The following POLK variants were observed in gnomAD, a reference collection of about 807,000 sequenced individuals.
The protein encoded by POLK is polymerase (DNA directed) kappa.
In POLK, 76 loss-of-function variants were observed where a neutral mutation model predicts 94.0. The ratio of observed to expected loss-of-function variants is 0.81; its 90% CI spans 0.67 to 0.98. The LOEUF (loss-of-function observed/expected upper bound fraction) is 0.98. Among genes scored for constraint, POLK ranks in the 50% least tolerant of loss-of-function variants. The probability of loss-of-function intolerance (pLI) is 0.00; values close to 1 mark genes in which losing one functional copy is unlikely to be tolerated. For synonymous variants in POLK, 349 were observed against 325.4 expected (o/e 1.07, Z -0.78); for missense variants, 954 against 1,010.1 (o/e 0.94, Z 0.75).
intron 1 of POLK, among the ~76,000 whole-genome samples, chr5:75,523,636 C>T (rs1334753574): frequency 6.6e-6 from 1 of 152,168 alleles, no homozygotes; most frequent in African/African-American, 2.4e-5. Context: ...GTACATGATT[C>T]AAGCAGTAGG....
exon 1 of POLK, chr5:75,511,811 G>T (rs749311902): frequency 6.4e-7 from 1 of 1,551,500 alleles, no homozygotes; most frequent in South Asian, 1.2e-5. Flanking sequence ...GCGGAGAAAG[G>T]AGAGGGCGGG....
chr5:75,511,806 G>A lies in POLK; in HGVS notation c.-122G>A, dbSNP rs775715048. 9.0e-6 allele frequency: 14 copies of A among 1,551,418 alleles called. No homozygotes were observed. The South Asian group carries it at 1.7e-4, about 18-fold the overall frequency. On this transcript the variant is annotated 5_prime_UTR_variant, in exon 1 of 15. Transcript: ENST00000241436. Reference sequence around the variant, plus strand: ...CGGGTAGAAAAGCAGGAGGAGCGGAGAAAGGAGAGGGCGGGGTAGGGATGC... The same window carrying A: ...CGGGTAGAAAAGCAGGAGGAGCGGAAAAAGGAGAGGGCGGGGTAGGGATGC...
At chr5:75,538,386 A>G (rs565727084) in intron 1 of POLK, among the ~76,000 whole-genome samples, 92 of 152,362 alleles carry the variant, frequency 6.0e-4, no homozygotes, top group African/African-American at 2.1e-3. Flanking sequence ...ACCACATATT[A>G]AGCTAACATA....
chr5:75,581,665 T>C, intron 7 of POLK: 1 of 494,928 alleles, frequency 2.0e-6, no homozygotes, highest in South Asian at 2.8e-5. Flanking sequence ...AAAAAAAGAT[T>C]ATACGTTTCT....
intron 1 of POLK, among the ~76,000 whole-genome samples, chr5:75,529,775 A>G (rs555567265): frequency 1.1e-4 from 16 of 152,290 alleles, no homozygotes; most frequent in African/African-American, 3.6e-4. Flanking sequence ...GTATATAGAG[A>G]TCTTTTAGAT....
At chr5:75,573,293 C>T (rs559681386) in intron 4 of POLK, among the ~76,000 whole-genome samples, 36 of 151,996 alleles carry the variant, frequency 2.4e-4, no homozygotes, top group African/African-American at 6.3e-4. Flanking sequence ...TGTTCTCACT[C>T]ATAGATGAGA....
intron 3 of POLK, among the ~76,000 whole-genome samples, chr5:75,562,714 C>T (rs563153156): frequency 2.6e-5 from 4 of 152,228 alleles, no homozygotes; most frequent in African/African-American, 7.2e-5. Flanking sequence ...GAGTTTTTAG[C>T]ATGAAGGGGT....
At chr5:75,531,895 G>C (rs1179665935) in intron 1 of POLK, among the ~76,000 whole-genome samples, 1 of 152,150 alleles carries the variant, frequency 6.6e-6, no homozygotes, top group Non-Finnish European at 1.5e-5. Context: ...TGAAGGTCCA[G>C]TCAAGTTATT....
chr5:75,519,180 A>AT (rs1001833881), intron 1 of POLK, among the ~76,000 whole-genome samples: 1 of 152,164 alleles, frequency 6.6e-6, no homozygotes, highest in African/African-American at 2.4e-5. Flanking sequence ...CAATTAATTA[A>AT]TTTTTTGTAT....
intron 3 of POLK, chr5:75,568,623 TTAAAGTTCA>T: frequency 2.4e-6 from 1 of 410,686 alleles, no homozygotes; most frequent in Non-Finnish European, 4.7e-6. Context: ...GACATATATA[TTAAAGTTCA>T]TGAAGAATAA....
intron 3 of POLK, among the ~76,000 whole-genome samples, chr5:75,561,940 T>C (rs150690578): frequency 1.3e-5 from 2 of 152,198 alleles, no homozygotes; most frequent in South Asian, 4.1e-4. Flanking sequence ...CCAGGTAGCA[T>C]GATGCCTCCA....
chr5:75,550,315 A>T (rs1296112846), intron 2 of POLK, among the ~76,000 whole-genome samples: 1 of 152,220 alleles, frequency 6.6e-6, no homozygotes, highest in Non-Finnish European at 1.5e-5. Flanking sequence ...GGCCAAGCTC[A>T]TGCCTATGAC....
intron 4 of POLK, among the ~76,000 whole-genome samples, chr5:75,571,701 C>T (rs1437471203): frequency 6.6e-6 from 1 of 152,168 alleles, no homozygotes; most frequent in East Asian, 1.9e-4. Context: ...GCCTAGGTTT[C>T]AGAACTCAGT....
exon 15 of POLK, chr5:75,600,089 C>G (rs192394370): frequency 6.6e-6 from 1 of 151,996 alleles, no homozygotes; most frequent in Non-Finnish European, 1.5e-5. Context: ...ATATATATAA[C>G]TGGTGAAAAA....
At chr5:75,573,478 C>T (rs972044769) in intron 4 of POLK, among the ~76,000 whole-genome samples, 12 of 151,976 alleles carry the variant, frequency 7.9e-5, no homozygotes, top group Non-Finnish European at 1.6e-4. Context: ...CTAACTTGCA[C>T]GTTGTGCACA....
At chr5:75,510,950 G>A (rs1481406643), upstream of POLK, among the ~76,000 whole-genome samples, 1 of 152,148 alleles carries the variant, frequency 6.6e-6, no homozygotes, top group Admixed American at 6.5e-5. Context: ...AACAAGGACA[G>A]TGCCCCTATA....
intron 1 of POLK, among the ~76,000 whole-genome samples, chr5:75,520,127 G>A (rs1275624552): frequency 6.6e-6 from 1 of 152,042 alleles, no homozygotes; most frequent in Non-Finnish European, 1.5e-5. Flanking sequence ...ACTTATCTTA[G>A]ATAGCAAAGA....
intron 1 of POLK, among the ~76,000 whole-genome samples, chr5:75,542,690 T>A (rs942541334): frequency 1.4e-5 from 2 of 147,536 alleles, no homozygotes; most frequent in Non-Finnish European, 3.0e-5. Context: ...TATATACATA[T>A]ATGTATATAT....
chr5:75,533,506 G>A (rs1467571671), intron 1 of POLK, among the ~76,000 whole-genome samples: 4 of 152,222 alleles, frequency 2.6e-5, no homozygotes, highest in Non-Finnish European at 5.9e-5. Flanking sequence ...ATAGTTTGAA[G>A]TCTGGTAATG....
Sources: gnomAD v4.1 joint callset for allele counts (sites outside exome capture counted in the v4.1 genomes callset) on GRCh38, gnomAD v4.1.1 for gene constraint, MANE v1.5 for transcripts, NCBI Gene and HGNC (gene_info 2026-07-23, HGNC 2026-07-21) for gene names.